DGKB: variants seen among roughly 807,000 people sequenced by gnomAD.
DGKB encodes diacylglycerol kinase beta.
Under a neutral mutation model 114.3 loss-of-function variants are expected in DGKB, and 67 were observed. That is an observed-to-expected ratio of 0.59 (90% CI 0.48 to 0.72). DGKB has a LOEUF of 0.72. Among genes scored for constraint, DGKB ranks in the 30% least tolerant of loss-of-function variants. The probability of loss-of-function intolerance (pLI) is 0.00; values close to 1 mark genes in which losing one functional copy is unlikely to be tolerated. For missense variants in DGKB, 907 were observed against 975.2 expected (o/e 0.93, Z 0.93); for synonymous variants, 398 against 323.1 (o/e 1.23, Z -2.49).
chr7:14,222,844 A>G (rs1790216472), intron 23 of DGKB, among the ~76,000 whole-genome samples: 1 of 151,462 alleles, frequency 6.6e-6, no homozygotes, highest in Non-Finnish European at 1.5e-5. Flanking sequence ...GTTAGGGTAT[A>G]TATGTTTACA....
chr7:14,506,754 A>T (rs1185681618), intron 20 of DGKB, among the ~76,000 whole-genome samples: 13 of 152,136 alleles, frequency 8.5e-5, no homozygotes, highest in Admixed American at 8.5e-4. Flanking sequence ...TTTCCACACA[A>T]AAAAGAACAA....
At chr7:14,872,290 A>G (rs1052719546) in intron 1 of DGKB, among the ~76,000 whole-genome samples, 1 of 152,350 alleles carries the variant, frequency 6.6e-6, no homozygotes, top group African/African-American at 2.4e-5. Context: ...ACCTGCTACC[A>G]CTAGCAACAA....
chr7:14,518,130 C>T (rs1789149448), intron 20 of DGKB, among the ~76,000 whole-genome samples: 1 of 152,014 alleles, frequency 6.6e-6, no homozygotes, highest in Non-Finnish European at 1.5e-5. Context: ...ACTATGCAGC[C>T]ATAAAAAAGA....
At chr7:14,962,867 C>A (rs984918750) in intron 1 of DGKB, among the ~76,000 whole-genome samples, 24 of 152,168 alleles carry the variant, frequency 1.6e-4, no homozygotes, top group Admixed American at 5.2e-4. Flanking sequence ...GTGACAGAAA[C>A]TCAACAAAAA....
intron 20 of DGKB, among the ~76,000 whole-genome samples, chr7:14,492,156 C>T (rs1357458948): frequency 6.6e-6 from 1 of 151,736 alleles, no homozygotes; most frequent in East Asian, 1.9e-4. Context: ...AGACATAAAA[C>T]CTATAAGGGG....
chr7:14,955,897 C>T (rs36897), intron 1 of DGKB, among the ~76,000 whole-genome samples: 83,999 of 151,696 alleles, frequency 0.55, 25,789 homozygotes, highest in East Asian at 0.91. Flanking sequence ...AATTTGATTT[C>T]AGGCCATTGG....
chr7:14,145,939 A>G lies in DGKB; in HGVS notation c.*3192T>C, dbSNP rs1781434321. 1 of 152,196 alleles carries G rather than the reference A, an allele frequency of 6.6e-6. No homozygotes were observed. Among genetic ancestry groups the G allele is most frequent in the South Asian group, 2.1e-4 (1 of 4,832 alleles). 9.4% of individuals were successfully genotyped at this position (152,196 alleles called of 1,614,324 possible). On this transcript the variant is annotated 3_prime_UTR_variant, in exon 26 of 26. Transcript: ENST00000402815. ...TACTTCCCATATGCCTAAAAAACGA[A>G]AACAAAATAAAATGTGGAAACACGT...
chr7:14,262,169 C>A (rs1359085626), intron 23 of DGKB, among the ~76,000 whole-genome samples: 6 of 152,128 alleles, frequency 3.9e-5, no homozygotes, highest in African/African-American at 7.2e-5. Flanking sequence ...AAAAAGGAAA[C>A]CCAGTAGTCC....
chr7:14,463,099 G>A (rs907222577), intron 21 of DGKB, among the ~76,000 whole-genome samples: 3 of 152,128 alleles, frequency 2.0e-5, no homozygotes, highest in Admixed American at 2.0e-4. Context: ...ACTCAGGATG[G>A]ATTAAAGCTG....
intron 9 of DGKB, among the ~76,000 whole-genome samples, chr7:14,689,715 A>G (rs984511454): frequency 5.9e-5 from 9 of 152,150 alleles, no homozygotes; most frequent in African/African-American, 2.2e-4. Context: ...TAGTTTTGTA[A>G]CTGCTTTCTA....
chr7:14,159,393 TTA>T (rs1444395278), intron 25 of DGKB, among the ~76,000 whole-genome samples: 2 of 152,184 alleles, frequency 1.3e-5, no homozygotes, highest in Non-Finnish European at 2.9e-5. Flanking sequence ...AACACCTCTA[TTA>T]TACCCTGTCA....
rs1285627708 is a variant in DGKB at position 14,919,180 on chromosome 7, A to G, written c.-188+55516T>C. ...GAAATAGGTGACTCAATACTGAAGA[A>G]AAACAAAGTCGGAGGACTGACACCA... On this transcript the variant is annotated intron_variant, in intron 1 of 4. Coordinates refer to the DGKB transcript ENST00000437998. Among the ~76,000 whole-genome samples, 3 of 152,028 alleles carry G rather than the reference A, an allele frequency of 2.0e-5. No individual in the cohort carries two copies. In the East Asian group the frequency reaches 5.8e-4, roughly 29 times the overall value.
intron 23 of DGKB, among the ~76,000 whole-genome samples, chr7:14,268,511 G>C (rs1797841517): frequency 6.6e-6 from 1 of 152,172 alleles, no homozygotes; most frequent in Non-Finnish European, 1.5e-5. Flanking sequence ...AGAGTTCTCA[G>C]AATAACAATG....
intron 2 of DGKB, among the ~76,000 whole-genome samples, chr7:14,801,988 T>C (rs1842237213): frequency 6.6e-6 from 1 of 151,704 alleles, no homozygotes; most frequent in South Asian, 2.1e-4. Flanking sequence ...CATACGTATA[T>C]ATGTTTCTGG....
chr7:14,543,531 T>A (rs957559376), intron 20 of DGKB, among the ~76,000 whole-genome samples: 9 of 152,154 alleles, frequency 5.9e-5, no homozygotes, highest in African/African-American at 2.2e-4. Flanking sequence ...AATAAAACAC[T>A]GTTTGCATTT....
chr7:14,757,887 G>T (rs1835123032), intron 2 of DGKB, among the ~76,000 whole-genome samples, 156 bp from the exon 3 acceptor site: 1 of 151,996 alleles, frequency 6.6e-6, no homozygotes, highest in Non-Finnish European at 1.5e-5. Context: ...TTTTTGAAAG[G>T]CTATTTAATT....
chr7:14,761,811 A>T (rs1247773258), intron 2 of DGKB, among the ~76,000 whole-genome samples: 1 of 152,150 alleles, frequency 6.6e-6, no homozygotes, highest in Non-Finnish European at 1.5e-5. Context: ...AACCTGGAAG[A>T]TTGGCCAGTG....
intron 5 of DGKB, among the ~76,000 whole-genome samples, chr7:14,734,928 G>A (rs1045440250): frequency 2.0e-5 from 3 of 152,078 alleles, no homozygotes; most frequent in East Asian, 3.9e-4. Context: ...AGAGAGAGAC[G>A]AGAAGGCACA....
At chr7:14,443,730 TTTGTTGGC>T (rs543037119) in intron 21 of DGKB, among the ~76,000 whole-genome samples, 2 of 152,140 alleles carry the variant, frequency 1.3e-5, no homozygotes, top group African/African-American at 4.8e-5. Context: ...ATTTGAAAAT[TTTGTTGGC>T]TTGTTTGAGT....
Sources: allele counts gnomAD v4.1 joint callset (sites outside exome capture counted in the v4.1 genomes callset), GRCh38; gene constraint gnomAD v4.1.1; transcripts MANE v1.5; gene names NCBI Gene and HGNC (gene_info 2026-07-23, HGNC 2026-07-21).